SMOC1: variants seen among roughly 807,000 people sequenced by gnomAD.
SMOC1 encodes the protein SPARC-related modular calcium-binding protein 1.
A neutral mutation model predicts 56.3 loss-of-function variants in SMOC1; 22 were observed. The ratio of observed to expected loss-of-function variants is 0.39; its 90% CI spans 0.28 to 0.56. The LOEUF (loss-of-function observed/expected upper bound fraction) is 0.56. SMOC1 is among the 20% of genes least tolerant of loss of function. SMOC1 has a pLI of 0.61. For synonymous variants in SMOC1, 193 were observed against 215.0 expected (o/e 0.90, Z 0.89); for missense variants, 509 against 565.4 (o/e 0.90, Z 1.01).
intron 1 of SMOC1, among the ~76,000 whole-genome samples, chr14:69,884,682 G>A (rs925764805): frequency 6.6e-6 from 1 of 152,098 alleles, no homozygotes; most frequent in South Asian, 2.1e-4. Context: ...ACCATTTATT[G>A]AAGATTTTCC....
chr14:70,025,439 T>C (rs972718796), intron 11 of SMOC1, among the ~76,000 whole-genome samples: 4 of 152,138 alleles, frequency 2.6e-5, no homozygotes, highest in African/African-American at 9.7e-5. Flanking sequence ...GGCTTACTGG[T>C]GTGTGACTGA....
Position 70,028,836 on chromosome 14 carries a change from C to T in SMOC1, c.1292-1406C>T, listed in dbSNP as rs151302823. On this transcript the variant is annotated intron_variant, in intron 11 of 11. Transcript: ENST00000361956. ...ATTGGATAAACCGATATCCACCCCA[C>T]GCCCACTCCACCCCATGTCCGCTCT... Among the ~76,000 whole-genome samples, 59 of 152,338 alleles carry T rather than the reference C, an allele frequency of 3.9e-4. No individual in the cohort carries two copies. In the East Asian group the frequency reaches 4.8e-3, roughly 12 times the overall value.
chr14:69,972,359 C>T (rs1290336674), intron 3 of SMOC1, among the ~76,000 whole-genome samples: 1 of 152,232 alleles, frequency 6.6e-6, no homozygotes, highest in African/African-American at 2.4e-5. Flanking sequence ...CCACTTCCCT[C>T]AGCTCCTGGA....
rs151062851 is a variant in SMOC1 at position 69,964,236 on chromosome 14, C to T, written c.378+10704C>T. 2.1e-3 allele frequency among the ~76,000 whole-genome samples: 299 copies of T among 145,082 alleles called. 3 individuals are homozygous for T. Among genetic ancestry groups the T allele is most frequent in the African/African-American group, 6.8e-3 (276 of 40,326 alleles). ...GGAAATGAAAGGAGTGAGCTCTGGG[C>T]GGTATCTGCAGCTGCTCTTCTGCAA... On this transcript the variant is annotated intron_variant, in intron 3 of 11. Coordinates refer to ENST00000361956, the MANE Select transcript of SMOC1 (RefSeq NM_001034852.3).
chr14:69,904,095 C>T (rs1167717741), intron 1 of SMOC1, among the ~76,000 whole-genome samples: 3 of 152,086 alleles, frequency 2.0e-5, no homozygotes, highest in African/African-American at 4.8e-5. Context: ...CCCCATCAGC[C>T]CACAGAATCA....
intron 7 of SMOC1, among the ~76,000 whole-genome samples, chr14:70,009,231 G>T (rs1330287061): frequency 6.6e-6 from 1 of 152,132 alleles, no homozygotes; most frequent in East Asian, 1.9e-4. Flanking sequence ...ATATTTTTAT[G>T]CCCCTAAGGA....
chr14:69,986,397 C>T lies in SMOC1; in HGVS notation c.527-6020C>T, dbSNP rs1263960359. Among the ~76,000 whole-genome samples the T allele has an allele frequency of 2.0e-5, 3 of 152,224 alleles. No individual in the cohort carries two copies. The East Asian group carries it at 5.8e-4, about 29-fold the overall frequency. ...AGAGAACGATACACACAAATGAGTG[C>T]ATTTAAAACTGGTAGAATCTGAATA... is the stretch of plus-strand genomic sequence containing the variant. On this transcript the variant is annotated intron_variant, in intron 5 of 11. Coordinates refer to ENST00000361956, the MANE Select transcript of SMOC1 (RefSeq NM_001034852.3).
intron 1 of SMOC1, among the ~76,000 whole-genome samples, chr14:69,883,841 T>A (rs918977592): frequency 6.6e-6 from 1 of 151,538 alleles, no homozygotes; most frequent in Middle Eastern, 3.2e-3. Context: ...TGAGGTGGTA[T>A]CTCATTGTGG....
At position 70,005,479 on chromosome 14, in the gene SMOC1, C is replaced by A. The variant is rs1594851068; in HGVS notation, c.665-5275C>A. 2.0e-5 allele frequency among the ~76,000 whole-genome samples: 3 copies of A among 152,096 alleles called. No homozygotes were observed. In the East Asian group the frequency reaches 5.8e-4, roughly 29 times the overall value. ...TTTCCTCTCCTGTCTCCTGCCCTGC[C>A]CACTCCTGCTGGACTTTGGTCCTTC... is the stretch of plus-strand genomic sequence containing the variant. On this transcript the variant is annotated intron_variant, in intron 7 of 11. Coordinates refer to ENST00000361956, the MANE Select transcript of SMOC1 (RefSeq NM_001034852.3).
chr14:69,949,649 G>C (rs1882921545), intron 1 of SMOC1, among the ~76,000 whole-genome samples: 1 of 152,194 alleles, frequency 6.6e-6, no homozygotes, highest in Admixed American at 6.5e-5. Flanking sequence ...AGGGTGGGAG[G>C]GAATGGAGAA....
intron 1 of SMOC1, among the ~76,000 whole-genome samples, chr14:69,916,501 A>G (rs1379639077): frequency 6.6e-6 from 1 of 152,200 alleles, no homozygotes; most frequent in Non-Finnish European, 1.5e-5. Context: ...AGCGGCTTCC[A>G]GGCCCCATGT....
chr14:70,015,473 GA>G (rs1433067784), intron 10 of SMOC1, among the ~76,000 whole-genome samples: 7 of 150,806 alleles, frequency 4.6e-5, no homozygotes, highest in Admixed American at 1.3e-4. Context: ...AAAAAAAAAC[GA>G]AAGAAGAAAA....
At chr14:70,007,480 T>C (rs905892212) in intron 7 of SMOC1, among the ~76,000 whole-genome samples, 7 of 152,226 alleles carry the variant, frequency 4.6e-5, no homozygotes, top group Non-Finnish European at 8.8e-5. Context: ...AAGACATCAT[T>C]GGTCAGAAGG....
chr14:69,977,825 A>G (rs1884023363), intron 4 of SMOC1, 93 bp from the exon 5 acceptor site: 1 of 935,490 alleles, frequency 1.1e-6, no homozygotes, highest in Admixed American at 1.7e-5. Context: ...ACATGACCAT[A>G]TGCTCATAAC....
At chr14:69,990,667 T>G (rs1452905513) in intron 5 of SMOC1, among the ~76,000 whole-genome samples, 2 of 152,186 alleles carry the variant, frequency 1.3e-5, no homozygotes, top group Non-Finnish European at 2.9e-5. Flanking sequence ...CTGTGTTTAT[T>G]CTCCCTCAAA....
chr14:69,892,219 A>T (rs1883981183), intron 1 of SMOC1, among the ~76,000 whole-genome samples: 1 of 152,220 alleles, frequency 6.6e-6, no homozygotes, highest in African/African-American at 2.4e-5. Context: ...ATTTCTAGAG[A>T]CTTGGGTTGC....
At chr14:69,959,188 C>T (rs2139457950) in intron 3 of SMOC1, among the ~76,000 whole-genome samples, 1 of 152,064 alleles carries the variant, frequency 6.6e-6, no homozygotes, top group East Asian at 1.9e-4. Context: ...GGCTTATTTC[C>T]CAGTAAGTTA....
rs370642487 is a variant in SMOC1 at position 69,927,713 on chromosome 14, C to T, written c.100-24425C>T. On this transcript the variant is annotated intron_variant, in intron 1 of 11. Coordinates refer to ENST00000361956, the MANE Select transcript of SMOC1 (RefSeq NM_001034852.3). ...AAAAAGGTGGTAGGAGGGAAACTTC[C>T]GAGGAGGGGCAGGATTGCTTGGGGG... Among the ~76,000 whole-genome samples the T allele has an allele frequency of 5.2e-4, 79 of 152,186 alleles. No homozygotes were observed. The East Asian group carries it at 6.6e-3, about 13-fold the overall frequency.
intron 1 of SMOC1, among the ~76,000 whole-genome samples, chr14:69,914,326 G>A (rs1884629155): frequency 6.6e-6 from 1 of 152,186 alleles, no homozygotes; most frequent in Non-Finnish European, 1.5e-5. Flanking sequence ...AGCAGCCACA[G>A]TTAATATGTA....
Sources: allele counts gnomAD v4.1 joint callset (sites outside exome capture counted in the v4.1 genomes callset), GRCh38; gene constraint gnomAD v4.1.1; transcripts MANE v1.5; gene names NCBI Gene and HGNC (gene_info 2026-07-23, HGNC 2026-07-21).